Variants in ASCC2 observed in about 807,000 individuals in gnomAD.
The protein encoded by ASCC2 is activating signal cointegrator 1 complex subunit 2.
ASCC2 carries 42 observed loss-of-function variants against 93.5 expected under a neutral mutation model. The ratio of observed to expected loss-of-function variants is 0.45; its 90% CI spans 0.35 to 0.58. ASCC2 has a LOEUF of 0.58. ASCC2 is among the 20% of genes least tolerant of loss of function. The pLI is 0.00. For missense variants in ASCC2, 859 were observed against 977.6 expected (o/e 0.88, Z 1.62); for synonymous variants, 364 against 384.2 (o/e 0.95, Z 0.62).
At chr22:29,828,811 T>C (rs1160225466) in intron 2 of ASCC2, among the ~76,000 whole-genome samples, 1 of 152,214 alleles carries the variant, frequency 6.6e-6, no homozygotes, top group East Asian at 1.9e-4. Flanking sequence ...GAAATGCTCA[T>C]TGATGATGAT....
intron 13 of ASCC2, among the ~76,000 whole-genome samples, chr22:29,802,798 G>A (rs1358532502): frequency 1.3e-5 from 2 of 151,688 alleles, no homozygotes; most frequent in African/African-American, 2.4e-5. Context: ...TTAGCCAGGC[G>A]TGGTGGCATG....
chr22:29,793,260 G>A, intron 17 of ASCC2, 100 bp downstream of exon 17: 3 of 1,525,626 alleles, frequency 2.0e-6, no homozygotes, highest in Non-Finnish European at 2.7e-6. Flanking sequence ...ACTGGGTTTG[G>A]GCCCTGGATC....
intron 1 of ASCC2, chr22:29,834,223 A>G: frequency 4.1e-6 from 1 of 245,708 alleles, no homozygotes; most frequent in Non-Finnish European, 8.2e-6. Flanking sequence ...TACTGTGTCT[A>G]GTTTAGTTAA....
intron 19 of ASCC2, 47 bp downstream of exon 19, chr22:29,790,422 C>G: frequency 6.2e-7 from 1 of 1,601,018 alleles, no homozygotes. Flanking sequence ...AGGCCCTCCC[C>G]AGATGGTGGG....
Position 29,804,671 on chromosome 22 carries a change from T to A in ASCC2, c.1320A>T (p.Ala440=). The part of the protein sequence containing the change: ...VTVTAEAVSQ[A]SSHPENSEEE... ...CCTCCGAGTTCTCCGGATGTGATGA[T>A]GCTTGACTGACTGCCTCTGCTGTCA... Residue 440 remains alanine (A), a synonymous_variant, in exon 13 of 20, where the codon GCA becomes GCT. Coordinates refer to ENST00000307790, the MANE Select transcript of ASCC2 (RefSeq NM_032204.5). 1 of 1,614,144 alleles carries A rather than the reference T, an allele frequency of 6.2e-7. No individual in the cohort carries two copies. Among genetic ancestry groups the A allele is most frequent in the Non-Finnish European group, 8.5e-7 (1 of 1,180,012 alleles).
chr22:29,797,999 T>C (rs899296054), intron 15 of ASCC2, among the ~76,000 whole-genome samples: 4 of 152,144 alleles, frequency 2.6e-5, no homozygotes, highest in Admixed American at 6.5e-5. Flanking sequence ...ACTCCTGACC[T>C]CAGGTGATCC....
At chr22:29,797,871 T>C (rs1470272058) in intron 15 of ASCC2, among the ~76,000 whole-genome samples, 1 of 152,208 alleles carries the variant, frequency 6.6e-6, no homozygotes, top group Non-Finnish European at 1.5e-5. Flanking sequence ...GTTCAAATGA[T>C]TCTCCTGCCT....
intron 1 of ASCC2, among the ~76,000 whole-genome samples, chr22:29,833,879 C>CTTT (rs539551425): frequency 2.1e-5 from 3 of 139,540 alleles, no homozygotes. Flanking sequence ...TTTTCTTTTT[C>CTTT]TTTTTTTTTT....
At chr22:29,792,592 A>G in intron 17 of ASCC2, 57 bp from the exon 18 acceptor site, 1 of 1,605,932 alleles carries the variant, frequency 6.2e-7, no homozygotes, top group Non-Finnish European at 8.5e-7. Context: ...AGCAAGAGCC[A>G]CAAGGAGGAG....
intron 15 of ASCC2, among the ~76,000 whole-genome samples, chr22:29,795,627 G>A (rs1184923109): frequency 6.6e-6 from 1 of 152,204 alleles, no homozygotes; most frequent in Non-Finnish European, 1.5e-5. Context: ...TTCACTGGAA[G>A]AAAATGTTTG....
chr22:29,832,393 G>A (rs1028591561), intron 1 of ASCC2, 51 bp from the exon 2 acceptor site: 1 of 1,412,182 alleles, frequency 7.1e-7, no homozygotes, highest in Admixed American at 1.8e-5. Flanking sequence ...GACTCCTGGG[G>A]GCAGGGCCTG....
intron 8 of ASCC2, among the ~76,000 whole-genome samples, chr22:29,812,912 T>C (rs975060739): frequency 2.0e-5 from 3 of 151,802 alleles, no homozygotes; most frequent in Admixed American, 2.0e-4. Context: ...GATGGAGTCT[T>C]GCTCTGTCAC....
chr22:29,807,303 T>G (rs1234089609), intron 9 of ASCC2, among the ~76,000 whole-genome samples: 1 of 149,758 alleles, frequency 6.7e-6, no homozygotes, highest in African/African-American at 2.5e-5. Flanking sequence ...AAAGGGAGCT[T>G]CTCCCCAGCA....
rs1415801991 is a variant in ASCC2, at chr22:29,804,731, A to G, written c.1260T>C (p.Ile420=). 1 of 1,613,892 alleles carries G rather than the reference A, an allele frequency of 6.2e-7. No homozygotes were observed. Residue 420 remains isoleucine, a synonymous_variant, in exon 13 of 20, where the codon ATT becomes ATC. Coordinates refer to ENST00000307790, the MANE Select transcript of ASCC2 (RefSeq NM_032204.5). ...CGTTAGGCTCCCCATTAGGCTCCTC[A>G]ATCACCGATGGGTCTTTAGCATCTG... ...KATDAKDPSV[I]EEPNGEPNGV...
intron 4 of ASCC2, among the ~76,000 whole-genome samples, chr22:29,824,548 G>A (rs2062036799): frequency 1.3e-5 from 2 of 152,066 alleles, no homozygotes; most frequent in African/African-American, 4.8e-5. Flanking sequence ...CTGGGAGACT[G>A]AAGCTGCAAT....
intron 8 of ASCC2, among the ~76,000 whole-genome samples, chr22:29,809,307 G>A (rs758497714): frequency 2.0e-5 from 3 of 151,648 alleles, no homozygotes; most frequent in Non-Finnish European, 4.4e-5. Context: ...TTTCTACATT[G>A]GCTTATGAGT....
At chr22:29,816,715 G>T (rs973323657) in intron 5 of ASCC2, 1 of 151,968 alleles carries the variant, frequency 6.6e-6, no homozygotes, top group African/African-American at 2.4e-5. Context: ...AAGTGCTGCC[G>T]CTGTGAGTGC....
At chr22:29,833,604 T>C in intron 1 of ASCC2, 1 of 471,070 alleles carries the variant, frequency 2.1e-6, no homozygotes, top group Non-Finnish European at 4.4e-6. Flanking sequence ...CTTTTCACAA[T>C]ATCACTTGGC....
At chr22:29,816,459 T>C (rs1311138072) in intron 5 of ASCC2, among the ~76,000 whole-genome samples, 2 of 152,188 alleles carry the variant, frequency 1.3e-5, no homozygotes, top group African/African-American at 4.8e-5. Context: ...CCAGGAAAAT[T>C]AGCAGATAGG....
Sources: allele counts gnomAD v4.1 joint callset (sites outside exome capture counted in the v4.1 genomes callset), GRCh38; gene constraint gnomAD v4.1.1; transcripts MANE v1.5; gene names NCBI Gene and HGNC (gene_info 2026-07-23, HGNC 2026-07-21).